Variants in THTPA observed in about 807,000 individuals in gnomAD.
THTPA encodes the protein thiamine triphosphatase, also known as thiamine-triphosphatase.
Under a neutral mutation model 16.5 loss-of-function variants are expected in THTPA, and 16 were observed. That is an observed-to-expected ratio of 0.97 (90% CI 0.66 to 1.47). The LOEUF (loss-of-function observed/expected upper bound fraction) is 1.47, where lower values mean the gene tolerates loss of function less well. THTPA is among the 40% of genes most tolerant of loss of function. The pLI is 0.00. For missense variants in THTPA, 281 were observed against 280.9 expected, an observed-to-expected ratio of 1.00 and a Z score of 0.00; for synonymous variants, 110 against 115.5, an observed-to-expected ratio of 0.95 and a Z score of 0.30.
At chr14:23,532,929 C>T in the THTPA span, 4 of 1,536,208 alleles carry the variant, frequency 2.6e-6, no homozygotes, top group Non-Finnish European at 3.5e-6. Flanking sequence ...AGCAGCAGCT[C>T]CAGGCTGTCT....
chr14:23,548,824 C>T, the THTPA span, among the ~76,000 whole-genome samples: 1 of 152,174 alleles, frequency 6.6e-6, no homozygotes, highest in Non-Finnish European at 1.5e-5. Context: ...GCTATTTGTG[C>T]TATGCTTTTT....
the THTPA span, among the ~76,000 whole-genome samples, chr14:23,547,371 C>T: frequency 3.3e-5 from 5 of 152,182 alleles, no homozygotes; most frequent in East Asian, 9.6e-4. Context: ...ACGGTTATGA[C>T]CAATTCAATT....
At chr14:23,534,623 C>T in the THTPA span, 3 of 1,536,050 alleles carry the variant, frequency 2.0e-6, no homozygotes, top group African/African-American at 1.4e-5. This position sits in a 1 kb window ranked among gnomAD's most constrained non-coding sequence, Gnocchi z 4.5. Flanking sequence ...AGCCAGAAGA[C>T]CGCCACGTGG....
chr14:23,519,155 A>G, the THTPA span, among the ~76,000 whole-genome samples: 1 of 152,016 alleles, frequency 6.6e-6, no homozygotes, highest in Non-Finnish European at 1.5e-5. Flanking sequence ...TTGCGTGACA[A>G]GAGGAGGGGG....
At chr14:23,521,583 C>T in the THTPA span, 2 of 204,378 alleles carry the variant, frequency 9.8e-6, no homozygotes, top group South Asian at 2.2e-4. Context: ...TATGTGTATG[C>T]ATTTATGGGG....
chr14:23,524,345 G>A, the THTPA span: 13 of 1,536,312 alleles, frequency 8.5e-6, no homozygotes, highest in Non-Finnish European at 1.1e-5. This position sits in a 1 kb window ranked among gnomAD's most constrained non-coding sequence, Gnocchi z 5.6. Flanking sequence ...TAGCTGCTCA[G>A]GCAAGATGGT....
the THTPA span, chr14:23,523,787 C>A: frequency 6.5e-7 from 1 of 1,536,218 alleles, no homozygotes; most frequent in Middle Eastern, 1.7e-4. The surrounding 1 kb of genome is among the most constrained non-coding windows in gnomAD (Gnocchi z 4.1). Context: ...ACCTCCAGGT[C>A]CCCCACTGGT....
rs1440951192 is a variant in THTPA at position 23,556,832 on chromosome 14, G to T, written c.75G>T (p.Leu25Phe). The change falls in exon 1 of 2, where the codon TTG becomes TTT. Residue 25 changes from leucine (L) to phenylalanine (F), a missense_variant. Leu to Phe is a conservative substitution (Grantham distance 22). Coordinates refer to ENST00000288014, the MANE Select transcript of THTPA (RefSeq NM_024328.6). Reference sequence around the variant, plus strand: ...GCACAGAGGAGCGGCTGCAGGAGTTGGGGGGCACCCTGGAGTACCGGGTCA... The same window carrying T: ...GCACAGAGGAGCGGCTGCAGGAGTTTGGGGGCACCCTGGAGTACCGGGTCA... Reference protein sequence around the residue: ...GPGTEERLQELGGTLEYRVTF... With the variant: ...GPGTEERLQEFGGTLEYRVTF... The T allele has an allele frequency of 1.2e-6, 2 of 1,612,998 alleles. No homozygotes were observed. Among genetic ancestry groups the T allele is most frequent in the Admixed American group, 3.3e-5 (2 of 59,858 alleles).
At chr14:23,532,495 T>G in the THTPA span, 1 of 1,405,116 alleles carries the variant, frequency 7.1e-7, no homozygotes, top group Non-Finnish European at 9.2e-7. Flanking sequence ...TATCACTTTC[T>G]TATTCTGCAT....
At chr14:23,535,067 G>A in the THTPA span, 2 of 1,536,256 alleles carry the variant, frequency 1.3e-6, no homozygotes, top group Non-Finnish European at 8.7e-7. The surrounding 1 kb of genome is among the most constrained non-coding windows in gnomAD (Gnocchi z 4.5). Flanking sequence ...GGGTCATTTG[G>A]TGGGAAGTGA....
the THTPA span, chr14:23,531,901 C>G: frequency 1.2e-6 from 1 of 808,484 alleles, no homozygotes; most frequent in Non-Finnish European, 1.7e-6. Flanking sequence ...CTCAGCCTCC[C>G]GAGTAGCTGG....
At chr14:23,538,140 C>T in the THTPA span, 1 of 152,318 alleles carries the variant, frequency 6.6e-6, no homozygotes, top group East Asian at 1.9e-4. Flanking sequence ...TGATTCCTAG[C>T]TAGAAACCAA....
chr14:23,523,470 A>T, the THTPA span: 5 of 1,536,076 alleles, frequency 3.3e-6, no homozygotes, highest in African/African-American at 1.4e-5. The surrounding 1 kb of genome is among the most constrained non-coding windows in gnomAD (Gnocchi z 4.1). Context: ...CAGGAGACAT[A>T]GAAATCATAC....
Position 23,559,466 on chromosome 14 carries a change from C to T in THTPA, c.*626C>T. On this transcript the variant is annotated 3_prime_UTR_variant, in exon 2 of 2. Coordinates refer to ENST00000288014, the MANE Select transcript of THTPA (RefSeq NM_024328.6). ...CCCCCTCCCCGCCCCCGTGTTGAGA[C>T]AGGTTCTCAAGGCTCAGGGGAAGAT... 2 of 403,226 alleles carry T rather than the reference C, an allele frequency of 5.0e-6. No homozygotes were observed. Among genetic ancestry groups the T allele is most frequent in the South Asian group, 4.8e-5 (2 of 42,044 alleles). The allele number at this position is 403,226 out of a possible 1,614,324, so 25.0% of individuals were successfully genotyped here.
chr14:23,545,738 G>C, the THTPA span, among the ~76,000 whole-genome samples: 1 of 152,200 alleles, frequency 6.6e-6, no homozygotes, highest in African/African-American at 2.4e-5. Flanking sequence ...GATGGCTGGG[G>C]GGAAATGCAG....
At chr14:23,532,640 T>C in the THTPA span, 1 of 1,471,546 alleles carries the variant, frequency 6.8e-7, no homozygotes, top group South Asian at 1.4e-5. Context: ...GCTGTTGGAC[T>C]CAAAGTCACA....
At position 23,559,146 on chromosome 14, in the gene THTPA, C is replaced by G; in HGVS notation, c.*306C>G. 1 of 308,994 alleles carries G rather than the reference C, an allele frequency of 3.2e-6. No individual in the cohort carries two copies. The highest frequency in any genetic ancestry group is 4.7e-5 in the Admixed American group (1 of 21,326). The allele number at this position is 308,994 out of a possible 1,614,324, so 19.1% of individuals were successfully genotyped here. On this transcript the variant is annotated 3_prime_UTR_variant, in exon 2 of 2. Transcript: ENST00000288014. ...GATCAGTAGTTAAGCACAGGAAAAT[C>G]CCTTGCCACCCCCCCTCCCTTGGTC...
Position 23,556,802 on chromosome 14 carries a change from G to A in THTPA, c.45G>A (p.Gly15=). The change falls in exon 1 of 2, where the codon GGG becomes GGA. Residue 15 remains glycine, a synonymous_variant. Coordinates refer to ENST00000288014, the MANE Select transcript of THTPA (RefSeq NM_024328.6). ...LIEVERKFLP[G]PGTEERLQEL... The stretch of plus-strand genomic sequence containing the variant: ...AGGTGGAGCGAAAGTTCCTTCCAGG[G>A]CCTGGCACAGAGGAGCGGCTGCAGG... 6.2e-7 allele frequency: 1 copy of A among 1,613,680 alleles called. No homozygotes were observed. The highest frequency in any genetic ancestry group is 8.5e-7 in the Non-Finnish European group (1 of 1,179,818).
the THTPA span, among the ~76,000 whole-genome samples, chr14:23,541,174 G>A: frequency 2.0e-5 from 3 of 151,990 alleles, no homozygotes; most frequent in African/African-American, 7.3e-5. Flanking sequence ...CCCAAGTGCT[G>A]GGATTACAGG....
Sources: allele counts gnomAD v4.1 joint callset (sites outside exome capture counted in the v4.1 genomes callset), GRCh38; gene constraint gnomAD v4.1.1; non-coding constraint Gnocchi (gnomAD v3.1); transcripts MANE v1.5; gene names NCBI Gene and HGNC (gene_info 2026-07-23, HGNC 2026-07-21).